Variants in BANK1 observed in about 807,000 individuals in gnomAD.
BANK1 encodes the protein B-cell scaffold protein with ankyrin repeats.
In BANK1, 95 loss-of-function variants were observed where a neutral mutation model predicts 94.5. That is an observed-to-expected ratio of 1.00 (90% CI 0.85 to 1.19). BANK1 has a LOEUF of 1.19. Among genes scored for constraint, BANK1 ranks in the 50% most tolerant of loss-of-function variants. BANK1 has a pLI of 0.00. For missense variants in BANK1, 987 were observed against 932.2 expected (o/e 1.06, Z -0.77); for synonymous variants, 334 against 308.4 (o/e 1.08, Z -0.87).
intron 5 of BANK1, among the ~76,000 whole-genome samples, chr4:101,879,806 G>A (rs1306205328): frequency 6.6e-6 from 1 of 152,000 alleles, no homozygotes; most frequent in African/African-American, 2.4e-5. Flanking sequence ...AAACCAATGT[G>A]ATATATCGTA....
At chr4:101,909,437 A>C (rs546188919) in intron 6 of BANK1, among the ~76,000 whole-genome samples, 1 of 152,290 alleles carries the variant, frequency 6.6e-6, no homozygotes, top group South Asian at 2.1e-4. Context: ...GATATACCTA[A>C]TGTAAATGTC....
At chr4:101,811,407 A>AT (rs1323491912) in intron 1 of BANK1, among the ~76,000 whole-genome samples, 1 of 152,114 alleles carries the variant, frequency 6.6e-6, no homozygotes, top group Non-Finnish European at 1.5e-5. Context: ...ATAAGGCATA[A>AT]TTTAAAAGCT....
At chr4:101,940,915 A>C (rs956951478) in intron 7 of BANK1, among the ~76,000 whole-genome samples, 3 of 151,754 alleles carry the variant, frequency 2.0e-5, no homozygotes, top group Non-Finnish European at 4.4e-5. Context: ...GAAGGACGTC[A>C]CTAAGCACAA....
intron 6 of BANK1, among the ~76,000 whole-genome samples, chr4:101,908,976 G>T (rs1722562857): frequency 6.6e-6 from 1 of 152,140 alleles, no homozygotes; most frequent in Admixed American, 6.5e-5. Context: ...AAACTGGTTT[G>T]ACCATTGTGG....
chr4:101,852,954 A>C (rs941870154), intron 2 of BANK1, among the ~76,000 whole-genome samples: 3 of 152,174 alleles, frequency 2.0e-5, no homozygotes, highest in African/African-American at 7.2e-5. Context: ...GTATTAAATA[A>C]AATCCATTTC....
chr4:101,796,974 CA>C lies in BANK1; in HGVS notation c.70+6025del, dbSNP rs1004087919. 2.4e-3 allele frequency among the ~76,000 whole-genome samples: 370 copies of C among 152,178 alleles called. 3 individuals carry two copies. The highest frequency in any genetic ancestry group is 8.2e-3 in the African/African-American group (342 of 41,556). On this transcript the variant is annotated intron_variant, in intron 1 of 16. Coordinates refer to ENST00000322953, the MANE Select transcript of BANK1 (RefSeq NM_017935.5). Reference sequence around the variant, plus strand: ...ATATGAAGAAATATGGCACCATTAACAGGCCATTAATAAAACTTTATATACA... The same window carrying C: ...ATATGAAGAAATATGGCACCATTAACGGCCATTAATAAAACTTTATATACA...
At chr4:101,815,700 A>T (rs1206620506) in intron 1 of BANK1, among the ~76,000 whole-genome samples, 2 of 152,146 alleles carry the variant, frequency 1.3e-5, no homozygotes, top group African/African-American at 4.8e-5. Context: ...AAATACTTTA[A>T]GTACTCTGTT....
intron 12 of BANK1, chr4:102,061,573 A>ATGTT (rs1350752893): frequency 3.9e-5 from 6 of 152,210 alleles, no homozygotes; most frequent in African/African-American, 1.4e-4. Flanking sequence ...TTTCCTAGCA[A>ATGTT]TGTTAGATTT....
At chr4:101,992,840 G>A (rs866700934) in intron 7 of BANK1, among the ~76,000 whole-genome samples, 25 of 151,986 alleles carry the variant, frequency 1.6e-4, no homozygotes, top group African/African-American at 4.3e-4. Context: ...TCAAATACTC[G>A]GAGATCTAAA....
At chr4:102,050,466 A>T (rs1194666500) in intron 11 of BANK1, among the ~76,000 whole-genome samples, 1 of 152,240 alleles carries the variant, frequency 6.6e-6, no homozygotes, top group Non-Finnish European at 1.5e-5. Context: ...AATAGATGAG[A>T]TAGTAATCAG....
At chr4:102,002,561 A>G (rs1170138134) in intron 7 of BANK1, among the ~76,000 whole-genome samples, 8 of 150,330 alleles carry the variant, frequency 5.3e-5, no homozygotes, top group African/African-American at 1.9e-4. Context: ...ACACACACAC[A>G]CACACACACA....
rs141269739 is a variant in BANK1, at chr4:101,987,921, C to G, written c.1207-33593C>G. On this transcript the variant is annotated intron_variant, in intron 7 of 16. Coordinates refer to ENST00000322953, the MANE Select transcript of BANK1 (RefSeq NM_017935.5). The stretch of plus-strand genomic sequence containing the variant: ...GCCTGTGGGAGAAAGCATGAAAAGC[C>G]AGTGCAAGATTCTCCACATCCCCTT... Among the ~76,000 whole-genome samples, 11 of 152,224 alleles carry G rather than the reference C, an allele frequency of 7.2e-5. No individual in the cohort carries two copies. In the East Asian group the frequency reaches 2.1e-3, roughly 29 times the overall value.
chr4:102,039,002 T>C (rs1201136587), intron 10 of BANK1, among the ~76,000 whole-genome samples: 1 of 152,182 alleles, frequency 6.6e-6, no homozygotes, highest in South Asian at 2.1e-4. Context: ...CATGCAGCAG[T>C]GTGTTTTCCA....
At chr4:101,973,419 A>C (rs6842900) in intron 7 of BANK1, among the ~76,000 whole-genome samples, 1 of 152,092 alleles carries the variant, frequency 6.6e-6, no homozygotes, top group South Asian at 2.1e-4. Context: ...TAAGTTGCTC[A>C]AAGCCATACA....
At chr4:102,036,792 T>C (rs1032133001) in intron 10 of BANK1, 3 of 152,232 alleles carry the variant, frequency 2.0e-5, no homozygotes, top group African/African-American at 7.2e-5. Context: ...CCCTGGCTTC[T>C]TCACAGAAAT....
chr4:102,022,868 C>G (rs892237256), intron 8 of BANK1, among the ~76,000 whole-genome samples: 10 of 152,180 alleles, frequency 6.6e-5, no homozygotes, highest in African/African-American at 2.4e-4. Flanking sequence ...CAATAATGTG[C>G]CTGCCTCAGG....
At chr4:102,053,163 T>G (rs1046613756) in intron 11 of BANK1, among the ~76,000 whole-genome samples, 2 of 152,046 alleles carry the variant, frequency 1.3e-5, no homozygotes, top group Non-Finnish European at 1.5e-5. Context: ...GAGATACAAC[T>G]CAAGTATGAC....
At chr4:102,007,144 T>TATATATATATATA (rs1553940695) in intron 7 of BANK1, among the ~76,000 whole-genome samples, 1 of 83,946 alleles carries the variant, frequency 1.2e-5, no homozygotes, top group Non-Finnish European at 2.4e-5. Flanking sequence ...AAAAAATATA[T>TATATATATATATA]TTTATATATA....
chr4:102,055,478 G>A (rs904508218), intron 11 of BANK1, among the ~76,000 whole-genome samples: 1 of 151,894 alleles, frequency 6.6e-6, no homozygotes, highest in Non-Finnish European at 1.5e-5. Context: ...CCATTATCCT[G>A]GAAGTTTCTA....
Sources: allele counts gnomAD v4.1 joint callset (sites outside exome capture counted in the v4.1 genomes callset), GRCh38; gene constraint gnomAD v4.1.1; transcripts MANE v1.5; gene names NCBI Gene and HGNC (gene_info 2026-07-23, HGNC 2026-07-21).